Variants in PDS5A observed in about 807,000 individuals in gnomAD.
PDS5A encodes the protein sister chromatid cohesion protein PDS5 homolog A.
In PDS5A, 42 loss-of-function variants were observed where a neutral mutation model predicts 167.1. The ratio of observed to expected loss-of-function variants is 0.25; its 90% CI spans 0.20 to 0.33. The LOEUF (loss-of-function observed/expected upper bound fraction) is 0.33, where lower values mean the gene tolerates loss of function less well. PDS5A is among the 10% of genes least tolerant of loss of function. PDS5A has a pLI of 1.00. For synonymous variants in PDS5A, 553 were observed against 554.6 expected, an observed-to-expected ratio of 1.00 and a Z score of 0.04; for missense variants, 1,033 against 1,605.9, an observed-to-expected ratio of 0.64 and a Z score of 6.10.
chr4:39,947,726 G>A (rs1727911340), intron 2 of PDS5A, among the ~76,000 whole-genome samples: 1 of 152,196 alleles, frequency 6.6e-6, no homozygotes. Context: ...CGGGCTGTGA[G>A]TTGGACCAAG....
chr4:39,922,569 T>C (rs943819054), intron 6 of PDS5A, 53 bp downstream of exon 6: 35 of 1,423,790 alleles, frequency 2.5e-5, no homozygotes, highest in African/African-American at 4.3e-5. Flanking sequence ...TTCATTCTTA[T>C]GTGTGGCGTG....
Position 39,923,638 on chromosome 4 carries a change from AACAC to A in PDS5A, c.528-894_528-891del, listed in dbSNP as rs10664167. 1.8e-3 allele frequency among the ~76,000 whole-genome samples: 226 copies of A among 125,268 alleles called. 1 individual carries two copies. The highest frequency in any genetic ancestry group is 1.7e-3 in the African/African-American group (61 of 36,448). The allele number at this position is 125,268 out of a possible 152,430, so 82.2% of individuals were successfully genotyped here. On this transcript the variant is annotated intron_variant, in intron 5 of 32. Coordinates refer to ENST00000303538, the MANE Select transcript of PDS5A (RefSeq NM_001100399.2). ...GGGACAGACCAAGACCCTGTCTCAA[AACAC>A]ACACACACACACACACACACACACA...
intron 9 of PDS5A, among the ~76,000 whole-genome samples, chr4:39,912,684 A>G (rs1723997415): frequency 6.6e-6 from 1 of 152,216 alleles, no homozygotes; most frequent in Non-Finnish European, 1.5e-5. Flanking sequence ...CCAGAATATT[A>G]ATAGTAAATA....
intron 2 of PDS5A, among the ~76,000 whole-genome samples, chr4:39,953,834 T>C (rs1728644904): frequency 6.6e-6 from 1 of 152,190 alleles, no homozygotes; most frequent in South Asian, 2.1e-4. Flanking sequence ...AATGTTTCTG[T>C]TTACTCTCAA....
At chr4:39,944,705 A>AC (rs1366099696) in intron 2 of PDS5A, among the ~76,000 whole-genome samples, 5 of 151,796 alleles carry the variant, frequency 3.3e-5, no homozygotes, top group African/African-American at 1.2e-4. Flanking sequence ...AAAAAAAAAA[A>AC]AAAAAACAAA....
chr4:39,896,344 C>CT (rs1185559250), intron 16 of PDS5A, among the ~76,000 whole-genome samples: 21,980 of 124,882 alleles, frequency 0.18, 1,928 homozygotes, highest in African/African-American at 0.23. Context: ...ATGTACTGAT[C>CT]TTTTTTTTTT....
intron 2 of PDS5A, among the ~76,000 whole-genome samples, chr4:39,969,942 G>A (rs1475562001): frequency 6.9e-6 from 1 of 145,622 alleles, no homozygotes; most frequent in Non-Finnish European, 1.5e-5. Context: ...AGGAGTTGAA[G>A]GGTATGTAAT....
chr4:39,976,667 C>T (rs1339842363), intron 1 of PDS5A, 50 bp from the exon 2 acceptor site: 1 of 952,188 alleles, frequency 1.1e-6, no homozygotes, highest in South Asian at 1.7e-5. Context: ...ACTTTGTAAC[C>T]TCTTTTTTCA....
At chr4:39,943,323 A>G (rs999737478) in intron 2 of PDS5A, among the ~76,000 whole-genome samples, 1 of 152,172 alleles carries the variant, frequency 6.6e-6, no homozygotes, top group Non-Finnish European at 1.5e-5. Flanking sequence ...CTAATACACC[A>G]GCATAGACTA....
In PDS5A at chr4:39,917,775, G is replaced by A. The variant is rs185529751; in HGVS notation, c.736-587C>T. On this transcript the variant is annotated intron_variant, in intron 7 of 32. Coordinates refer to ENST00000303538, the MANE Select transcript of PDS5A (RefSeq NM_001100399.2). ...TTTTTAGCAGAGACAAGGTTTCACC[G>A]TGTTGGCCAGGCTGGTCTCGAACTC... Among the ~76,000 whole-genome samples, 1,225 of 152,196 alleles carry A rather than the reference G, an allele frequency of 8.0e-3. 30 individuals carry two copies. The highest frequency in any genetic ancestry group is 0.054 in the Admixed American group (818 of 15,282).
chr4:39,953,021 G>A (rs1269684993), intron 2 of PDS5A, among the ~76,000 whole-genome samples: 1 of 152,072 alleles, frequency 6.6e-6, no homozygotes, highest in Non-Finnish European at 1.5e-5. Flanking sequence ...GAGCCACCAC[G>A]TCAGTCCAGA....
At chr4:39,837,777 G>C in intron 32 of PDS5A, 79 bp downstream of exon 32, 1 of 1,019,912 alleles carries the variant, frequency 9.8e-7, no homozygotes, top group Non-Finnish European at 1.4e-6. Flanking sequence ...TAGGTGTTTG[G>C]GGTGACTGGC....
intron 12 of PDS5A, among the ~76,000 whole-genome samples, 157 bp from the exon 13 acceptor site, chr4:39,902,617 G>A (rs1722978922): frequency 6.6e-6 from 1 of 151,528 alleles, no homozygotes; most frequent in African/African-American, 2.4e-5. Flanking sequence ...CTGTCTCGCA[G>A]GTTCAAGCGA....
Position 39,908,547 on chromosome 4 carries a change from TA to T in PDS5A, c.1088-8del. 6.6e-7 allele frequency: 1 copy of T among 1,522,194 alleles called. No individual in the cohort carries two copies. Among genetic ancestry groups the T allele is most frequent in the South Asian group, 1.2e-5 (1 of 85,710 alleles). 94.3% of individuals were successfully genotyped at this position (1,522,194 alleles called of 1,614,324 possible). A position where few individuals can be genotyped will look rare whatever the true frequency, so the allele number is the denominator to read the frequency against. On this transcript the variant is annotated splice_region_variant and splice_polypyrimidine_tract_variant and intron_variant, in intron 10 of 32. Coordinates refer to ENST00000303538, the MANE Select transcript of PDS5A (RefSeq NM_001100399.2). ...GATCTAACCTTTAAATATTCTGTAA[TA>T]AGAGAAAAAAAACTTAGGCTAAATG...
chr4:39,874,172 T>C lies in PDS5A; in HGVS notation c.2277+117A>G, dbSNP rs554279061. The C allele has an allele frequency of 8.4e-6, 6 of 712,836 alleles. No homozygotes were observed. The East Asian group carries it at 1.1e-4, about 13-fold the overall frequency. 44.2% of individuals were successfully genotyped at this position (712,836 alleles called of 1,614,324 possible). Reference sequence around the variant, plus strand: ...AGAATCCTTGCTCACAAGGAATTTATAGTCTAAGGTAGGACTTCATATAAA... The same window carrying C: ...AGAATCCTTGCTCACAAGGAATTTACAGTCTAAGGTAGGACTTCATATAAA... On this transcript the variant is annotated intron_variant, in intron 20 of 32. Transcript: ENST00000303538.
chr4:39,952,725 A>ATTTTTT (rs35943320), intron 2 of PDS5A, among the ~76,000 whole-genome samples: 4 of 128,270 alleles, frequency 3.1e-5, no homozygotes, highest in African/African-American at 5.8e-5. Flanking sequence ...CAGATCTGGA[A>ATTTTTT]TTTTTTTTTT....
At chr4:39,879,664 C>A in intron 18 of PDS5A, 64 bp downstream of exon 18, 1 of 907,312 alleles carries the variant, frequency 1.1e-6, no homozygotes, top group Non-Finnish European at 1.8e-6. Flanking sequence ...TCTTGCATAT[C>A]CTGAAGGGAA....
intron 17 of PDS5A, among the ~76,000 whole-genome samples, chr4:39,886,442 G>T (rs1327468775): frequency 6.6e-6 from 1 of 152,006 alleles, no homozygotes; most frequent in Non-Finnish European, 1.5e-5. Context: ...GGCCGGGCGG[G>T]GTGGCTCACA....
chr4:39,855,709 C>A (rs954569915), intron 26 of PDS5A, among the ~76,000 whole-genome samples: 4 of 152,062 alleles, frequency 2.6e-5, no homozygotes, highest in Admixed American at 2.6e-4. Flanking sequence ...AAAATTCACT[C>A]TAGGAGGATT....
Sources: allele counts gnomAD v4.1 joint callset (sites outside exome capture counted in the v4.1 genomes callset), GRCh38; gene constraint gnomAD v4.1.1; transcripts MANE v1.5; gene names NCBI Gene and HGNC (gene_info 2026-07-23, HGNC 2026-07-21).